NAALADL2: variants seen among roughly 807,000 people sequenced by gnomAD.
NAALADL2 encodes inactive N-acetylated-alpha-linked acidic dipeptidase-like protein 2.
NAALADL2 carries 76 observed loss-of-function variants against 87.2 expected under a neutral mutation model. The observed-to-expected ratio is 0.87, with a 90% CI of 0.72 to 1.05. The LOEUF (loss-of-function observed/expected upper bound fraction) is 1.05, where lower values mean the gene tolerates loss of function less well. Among genes scored for constraint, NAALADL2 ranks in the 50% least tolerant of loss-of-function variants. NAALADL2 has a pLI of 0.00. For missense variants in NAALADL2, 1,089 were observed against 945.8 expected, an observed-to-expected ratio of 1.15 and a Z score of -1.99; for synonymous variants, 354 against 331.0, an observed-to-expected ratio of 1.07 and a Z score of -0.75.
chr3:174,718,022 G>A (rs1220205528), intron 2 of NAALADL2, among the ~76,000 whole-genome samples: 3 of 152,070 alleles, frequency 2.0e-5, no homozygotes, highest in Non-Finnish European at 4.4e-5. Context: ...CCAGCTACTT[G>A]GGAGGCTGAA....
chr3:174,669,526 C>G (rs1019603023), intron 2 of NAALADL2, among the ~76,000 whole-genome samples: 1 of 152,046 alleles, frequency 6.6e-6, no homozygotes, highest in Non-Finnish European at 1.5e-5. Context: ...GGTCTTGGTA[C>G]TCTTGTCAAA....
intron 11 of NAALADL2, among the ~76,000 whole-genome samples, chr3:175,658,381 C>T (rs114105724): frequency 0.012 from 1,787 of 152,202 alleles, 16 homozygotes; most frequent in Non-Finnish European, 0.019. Flanking sequence ...GGAATATTAT[C>T]TGATAAATTT....
At chr3:174,725,498 G>C (rs1165804994) in intron 2 of NAALADL2, among the ~76,000 whole-genome samples, 1 of 152,112 alleles carries the variant, frequency 6.6e-6, no homozygotes, top group Non-Finnish European at 1.5e-5. Flanking sequence ...ACGTAATTAA[G>C]TTTCAAGGTG....
chr3:174,870,641 GC>G (rs1727720762), intron 1 of NAALADL2, among the ~76,000 whole-genome samples: 1 of 151,594 alleles, frequency 6.6e-6, no homozygotes, highest in Non-Finnish European at 1.5e-5. Flanking sequence ...AAGGGACAGA[GC>G]TAGGATTTAA....
intron 11 of NAALADL2, among the ~76,000 whole-genome samples, chr3:175,670,317 T>C (rs1159141724): frequency 6.6e-6 from 1 of 150,946 alleles, no homozygotes; most frequent in Non-Finnish European, 1.5e-5. Flanking sequence ...ATTTGTAAAA[T>C]AAAGTTTAAG....
At chr3:175,611,320 A>G (rs958674690) in intron 10 of NAALADL2, among the ~76,000 whole-genome samples, 1 of 152,112 alleles carries the variant, frequency 6.6e-6, no homozygotes, top group African/African-American at 2.4e-5. Flanking sequence ...TTGCTCACTG[A>G]TAAATAGTTA....
chr3:174,899,965 T>C (rs563227959), intron 1 of NAALADL2, among the ~76,000 whole-genome samples: 2 of 152,030 alleles, frequency 1.3e-5, no homozygotes, highest in South Asian at 4.1e-4. Flanking sequence ...GTTCTTTAAA[T>C]AAAAATTTAA....
At chr3:174,557,097 C>G (rs1024108275) in intron 2 of NAALADL2, among the ~76,000 whole-genome samples, 1 of 152,200 alleles carries the variant, frequency 6.6e-6, no homozygotes, top group East Asian at 1.9e-4. Flanking sequence ...AATTGCTATA[C>G]AAAAACAACA....
chr3:174,828,154 C>G (rs1169663856), intron 3 of NAALADL2, among the ~76,000 whole-genome samples: 1 of 151,676 alleles, frequency 6.6e-6, no homozygotes, highest in East Asian at 1.9e-4. Context: ...GACCTTGTCT[C>G]TGAAACCAAC....
intron 9 of NAALADL2, among the ~76,000 whole-genome samples, chr3:175,475,047 A>ACACACACACACACACT (rs1725490096): frequency 6.7e-6 from 1 of 149,838 alleles, no homozygotes; most frequent in Non-Finnish European, 1.5e-5. Flanking sequence ...ACACACACAC[A>ACACACACACACACACT]CTTAGTATTG....
intron 1 of NAALADL2, among the ~76,000 whole-genome samples, chr3:174,908,479 C>T (rs979138869): frequency 2.6e-5 from 4 of 151,968 alleles, no homozygotes; most frequent in African/African-American, 9.7e-5. Context: ...CCAGTGGCTA[C>T]AGAAATTAGG....
chr3:175,314,563 CTATATATATATA>C lies in NAALADL2; in HGVS notation c.940-9587_940-9576del, dbSNP rs57049565. 6.1e-3 allele frequency among the ~76,000 whole-genome samples: 423 copies of C among 69,592 alleles called. 9 individuals are homozygous for C. The highest frequency in any genetic ancestry group is 0.016 in the African/African-American group (304 of 18,904). 45.7% of individuals were successfully genotyped at this position (69,592 alleles called of 152,430 possible). On this transcript the variant is annotated intron_variant, in intron 4 of 13. Coordinates refer to ENST00000454872, the MANE Select transcript of NAALADL2 (RefSeq NM_207015.3). ...ATTAATACTTACCTTCACATTCTAA[CTATATATATATA>C]TATATATATATATATATATATATAG...
At chr3:175,653,553 G>A (rs911510659) in intron 11 of NAALADL2, among the ~76,000 whole-genome samples, 11 of 152,040 alleles carry the variant, frequency 7.2e-5, no homozygotes, top group African/African-American at 2.4e-4. Flanking sequence ...GTATTTGTAA[G>A]CCCTTCACTC....
chr3:175,382,930 C>G (rs1428389096), intron 5 of NAALADL2, among the ~76,000 whole-genome samples: 1 of 152,048 alleles, frequency 6.6e-6, no homozygotes, highest in Non-Finnish European at 1.5e-5. Flanking sequence ...TAAGGAATCA[C>G]TAATACAAGT....
chr3:175,231,394 T>C (rs895530931), intron 2 of NAALADL2, among the ~76,000 whole-genome samples: 1 of 152,144 alleles, frequency 6.6e-6, no homozygotes, highest in African/African-American at 2.4e-5. Flanking sequence ...AAAAATGATG[T>C]AATAAAGTAC....
At chr3:175,413,138 C>T (rs1713908022) in intron 5 of NAALADL2, among the ~76,000 whole-genome samples, 1 of 143,946 alleles carries the variant, frequency 6.9e-6, no homozygotes, top group East Asian at 2.2e-4. Flanking sequence ...ATCTGCCCGC[C>T]TTGGCCTCCC....
At chr3:175,330,198 G>C (rs1162910469) in intron 5 of NAALADL2, among the ~76,000 whole-genome samples, 3 of 152,104 alleles carry the variant, frequency 2.0e-5, no homozygotes, top group Non-Finnish European at 4.4e-5. Flanking sequence ...CTATCTTAAA[G>C]AATATAGAAG....
At chr3:175,787,213 G>A (rs1186503723) in intron 13 of NAALADL2, among the ~76,000 whole-genome samples, 2 of 152,164 alleles carry the variant, frequency 1.3e-5, no homozygotes, top group African/African-American at 4.8e-5. Flanking sequence ...AGGCAGGCAG[G>A]CCTCCTTGAG....
intron 5 of NAALADL2, among the ~76,000 whole-genome samples, chr3:175,391,881 C>T (rs563035765): frequency 6.6e-6 from 1 of 152,122 alleles, no homozygotes; most frequent in South Asian, 2.1e-4. Flanking sequence ...TCTCAGATTA[C>T]ACTTTGAATA....
Sources: allele counts gnomAD v4.1 joint callset (sites outside exome capture counted in the v4.1 genomes callset), GRCh38; gene constraint gnomAD v4.1.1; transcripts MANE v1.5; gene names NCBI Gene and HGNC (gene_info 2026-07-23, HGNC 2026-07-21).